HINT3: variants seen among roughly 807,000 people sequenced by gnomAD.
HINT3 encodes adenosine 5'-monophosphoramidase HINT3.
A neutral mutation model predicts 19.1 loss-of-function variants in HINT3; 16 were observed. That is an observed-to-expected ratio of 0.84 (90% confidence interval 0.57 to 1.27). The LOEUF (loss-of-function observed/expected upper bound fraction) is 1.27. Ranked by LOEUF, HINT3 falls within the 50% of genes most tolerant of loss-of-function variation. HINT3 has a pLI of 0.00. For synonymous variants in HINT3, 75 were observed against 84.8 expected (o/e 0.88, Z 0.63); for missense variants, 197 against 225.8 (o/e 0.87, Z 0.82).
chr6:125,976,756 GTATCT>G (rs888580272), intron 4 of HINT3, among the ~76,000 whole-genome samples: 2 of 151,610 alleles, frequency 1.3e-5, no homozygotes, highest in African/African-American at 4.8e-5. Context: ...CTTTGTTAGC[GTATCT>G]TATGAGACTT....
intron 2 of HINT3, 40 bp downstream of exon 2, chr6:125,967,044 C>T: frequency 8.3e-7 from 1 of 1,207,232 alleles, no homozygotes; most frequent in East Asian, 2.4e-5. Context: ...ATATCATTTT[C>T]AGTTGGTATC....
At chr6:125,960,489 T>G (rs1788903819) in intron 1 of HINT3, among the ~76,000 whole-genome samples, 1 of 152,174 alleles carries the variant, frequency 6.6e-6, no homozygotes, top group East Asian at 1.9e-4. Flanking sequence ...AAACCCCATC[T>G]CTCCTAAAAA....
intron 1 of HINT3, 62 bp downstream of exon 1, chr6:125,957,240 G>C: frequency 6.8e-7 from 1 of 1,466,744 alleles, no homozygotes; most frequent in Admixed American, 2.1e-5. Context: ...AGCTCCGGCA[G>C]GGAGGCCTCG....
At chr6:125,960,330 A>G (rs1428617215) in intron 1 of HINT3, among the ~76,000 whole-genome samples, 1 of 152,158 alleles carries the variant, frequency 6.6e-6, no homozygotes, top group Non-Finnish European at 1.5e-5. Context: ...GGATTTTGCC[A>G]TGTGGTTGTT....
intron 2 of HINT3, among the ~76,000 whole-genome samples, chr6:125,968,520 T>C (rs1331290600): frequency 2.0e-5 from 3 of 152,196 alleles, no homozygotes; most frequent in Non-Finnish European, 2.9e-5. Flanking sequence ...TTCTTTTGGA[T>C]ATATACTCAG....
At chr6:125,977,528 A>G in intron 4 of HINT3, 116 bp from the exon 5 acceptor site, 2 of 466,120 alleles carry the variant, frequency 4.3e-6, no homozygotes, top group Non-Finnish European at 7.8e-6. Context: ...ATTTTTAGGA[A>G]CAGAATATAT....
intron 4 of HINT3, 61 bp downstream of exon 4, chr6:125,975,034 G>T: frequency 1.3e-6 from 2 of 1,557,346 alleles, no homozygotes; most frequent in Non-Finnish European, 1.8e-6. Flanking sequence ...TTTCATTGTA[G>T]TTTTTTCTTC....
intron 1 of HINT3, among the ~76,000 whole-genome samples, chr6:125,965,089 G>A (rs1788999830): frequency 6.6e-6 from 1 of 152,192 alleles, no homozygotes; most frequent in Non-Finnish European, 1.5e-5. Flanking sequence ...ATTGATATAT[G>A]AGAGTTAGTA....
chr6:125,964,199 T>C lies in HINT3; in HGVS notation c.202-2688T>C, dbSNP rs567643310. Among the ~76,000 whole-genome samples the C allele has an allele frequency of 8.5e-5, 13 of 152,338 alleles. No individual in the cohort carries two copies. The East Asian group carries it at 2.5e-3, about 29-fold the overall frequency. On this transcript the variant is annotated intron_variant, in intron 1 of 4. Coordinates refer to ENST00000229633, the MANE Select transcript of HINT3 (RefSeq NM_138571.5). ...TAAGTCACTTGAAATCATTCTCTTC[T>C]TTGAATGGAATGATTATGCTACCAA... is the stretch of plus-strand genomic sequence containing the variant.
At chr6:125,962,121 T>C (rs1788933891) in intron 1 of HINT3, among the ~76,000 whole-genome samples, 1 of 146,444 alleles carries the variant, frequency 6.8e-6, no homozygotes, top group Non-Finnish European at 1.5e-5. Context: ...CATTGGGAGT[T>C]ATAAGCCAGG....
At chr6:125,959,762 G>C (rs1402595310) in intron 1 of HINT3, among the ~76,000 whole-genome samples, 1 of 152,184 alleles carries the variant, frequency 6.6e-6, no homozygotes, top group Non-Finnish European at 1.5e-5. Flanking sequence ...CCAGTGGGAA[G>C]ATGCCTATAG....
intron 1 of HINT3, among the ~76,000 whole-genome samples, chr6:125,965,651 C>T (rs1789007303): frequency 6.6e-6 from 1 of 151,944 alleles, no homozygotes; most frequent in Non-Finnish European, 1.5e-5. Context: ...ACTTGGGAGG[C>T]TGAGGTGGGA....
In HINT3 at chr6:125,970,123, A is replaced by G. The variant is rs116554550; in HGVS notation, c.320-2136A>G. On this transcript the variant is annotated intron_variant, in intron 2 of 4. Coordinates refer to ENST00000229633, the MANE Select transcript of HINT3 (RefSeq NM_138571.5). ...TTTTTAAGAGGTAAGAAACCACTTT[A>G]ATGGAAAACCTTGATGTGTAGTTCA... Among the ~76,000 whole-genome samples, 201 of 152,310 alleles carry G rather than the reference A, an allele frequency of 1.3e-3. 1 individual carries two copies. Among genetic ancestry groups the G allele is most frequent in the African/African-American group, 4.7e-3 (194 of 41,580 alleles).
In HINT3 at chr6:125,957,056, T is replaced by G. The variant is rs780897427; in HGVS notation, c.79T>G (p.Ser27Ala). ...CTCGGCGACTGCAGAAACTACGGTT[T>G]CCTCAGTGGGGACCTGTGAAGCCGC... ...EASATAETTV[S>A]SVGTCEAAGK... Residue 27 changes from serine (S) to alanine (A), a missense_variant, in exon 1 of 5, where the codon TCC becomes GCC. By Grantham distance (99) the Ser-to-Ala change is moderately conservative. Coordinates refer to ENST00000229633, the MANE Select transcript of HINT3 (RefSeq NM_138571.5). The G allele has an allele frequency of 9.7e-6, 15 of 1,550,798 alleles. No homozygotes were observed. In the East Asian group the frequency reaches 3.7e-4, roughly 38 times the overall value.
In HINT3 at chr6:125,977,821, T is replaced by C; in HGVS notation, c.*145T>C. On this transcript the variant is annotated 3_prime_UTR_variant, in exon 5 of 5. Coordinates refer to ENST00000229633, the MANE Select transcript of HINT3 (RefSeq NM_138571.5). ...TGGCCTTAAATCTTTTCTGAATGTC[T>C]GTTTCCTAAGATCTGTGATACAGTT... 2.0e-6 allele frequency: 1 copy of C among 502,064 alleles called. No individual in the cohort carries two copies. The allele number at this position is 502,064 out of a possible 1,614,324, so 31.1% of individuals were successfully genotyped here.
chr6:125,963,215 C>T (rs1024979361), intron 1 of HINT3, among the ~76,000 whole-genome samples: 2 of 151,992 alleles, frequency 1.3e-5, no homozygotes, highest in Non-Finnish European at 2.9e-5. Context: ...TTTTTCCCAA[C>T]AAAAAATAGA....
At chr6:125,965,592 C>A (rs1789006171) in intron 1 of HINT3, among the ~76,000 whole-genome samples, 1 of 151,954 alleles carries the variant, frequency 6.6e-6, no homozygotes, top group Admixed American at 6.6e-5. Context: ...GAGACTCCAT[C>A]TCTACAAATA....
intron 1 of HINT3, among the ~76,000 whole-genome samples, chr6:125,958,511 A>T (rs760112851): frequency 2.0e-5 from 3 of 152,088 alleles, no homozygotes; most frequent in Non-Finnish European, 2.9e-5. Flanking sequence ...AGGTATGGAG[A>T]CCCGTTAGAA....
chr6:125,956,919 C>T lies in HINT3; in HGVS notation c.-59C>T. 1.3e-6 allele frequency: 2 copies of T among 1,497,632 alleles called. No individual in the cohort carries two copies. Among genetic ancestry groups the T allele is most frequent in the Non-Finnish European group, 1.8e-6 (2 of 1,109,510 alleles). 92.8% of individuals were successfully genotyped at this position (1,497,632 alleles called of 1,614,324 possible). The stretch of plus-strand genomic sequence containing the variant: ...ACGGAGGAGGTGCGGGACGCGGAGA[C>T]TGCGCGGGCCCGGTAGCCCTGGAGA... On this transcript the variant is annotated 5_prime_UTR_variant, in exon 1 of 5. Transcript: ENST00000229633.
Sources: gnomAD v4.1 joint callset for allele counts (sites outside exome capture counted in the v4.1 genomes callset) on GRCh38, gnomAD v4.1.1 for gene constraint, MANE v1.5 for transcripts, NCBI Gene and HGNC (gene_info 2026-07-23, HGNC 2026-07-21) for gene names.